MIB2: variants seen among roughly 807,000 people sequenced by gnomAD.
The protein encoded by MIB2 is E3 ubiquitin-protein ligase MIB2.
A neutral mutation model predicts 96.6 loss-of-function variants in MIB2; 78 were observed. The observed-to-expected ratio is 0.81, with a 90% confidence interval of 0.67 to 0.97. The LOEUF (loss-of-function observed/expected upper bound fraction) is 0.97, where lower values mean the gene tolerates loss of function less well. Among genes scored for constraint, MIB2 ranks in the 50% least tolerant of loss-of-function variants. The pLI, the probability that MIB2 is intolerant of heterozygous loss-of-function variation, is 0.00. For missense variants in MIB2, 1,543 were observed against 1,424.0 expected (o/e 1.08, Z -1.35); for synonymous variants, 820 against 629.5 (o/e 1.30, Z -4.53).
intron 2 of MIB2, among the ~76,000 whole-genome samples, chr1:1,620,631 C>G (rs1644176981): frequency 6.6e-6 from 1 of 152,246 alleles, no homozygotes; most frequent in Admixed American, 6.5e-5. Flanking sequence ...CTGCGTCGGC[C>G]TCCCCGGCCT....
At position 1,616,572 on chromosome 1, in the gene MIB2, G is replaced by T; in HGVS notation, c.-65G>T. The T allele has an allele frequency of 6.2e-7, 1 of 1,603,920 alleles. No individual in the cohort carries two copies. The highest frequency in any genetic ancestry group is 8.5e-7 in the Non-Finnish European group (1 of 1,175,616). On this transcript the variant is annotated 5_prime_UTR_variant, in exon 2 of 20. It adds an upstream start codon to the 5' untranslated region. Coordinates refer to ENST00000355826, the MANE Select transcript of MIB2 (RefSeq NM_001170687.4). Reference sequence around the variant, plus strand: ...TTCCAGGCATCAGGGCTGCAGCCCAGGAGCCTCAAGGCGGCCCGGCGGGCG... The same window carrying T: ...TTCCAGGCATCAGGGCTGCAGCCCATGAGCCTCAAGGCGGCCCGGCGGGCG...
Position 1,629,389 on chromosome 1 carries a change from C to G in MIB2, c.2386C>G (p.Arg796Gly), listed in dbSNP as rs568026207. The stretch of plus-strand genomic sequence containing the variant: ...AGCCGCCTCCTCCCCCTGCAGGGAG[C>G]GGCAGGCGGGCGGGGGCGCGGCCCC... ...LQGCAQRFRE[R>G]QAGGGAAPGP... Residue 796 changes from arginine to glycine, a missense_variant, in exon 18 of 20, where the codon CGG becomes GGG. Coordinates refer to ENST00000355826, the MANE Select transcript of MIB2 (RefSeq NM_001170687.4). The G allele has an allele frequency of 6.9e-7, 1 of 1,442,982 alleles. No individual in the cohort carries two copies. Among genetic ancestry groups the G allele is most frequent in the African/African-American group, 1.5e-5 (1 of 66,840 alleles). 89.4% of individuals were successfully genotyped at this position (1,442,982 alleles called of 1,614,324 possible).
upstream of MIB2, chr1:1,614,958 T>G (rs1020336429): frequency 3.3e-5 from 5 of 153,018 alleles, no homozygotes; most frequent in Admixed American, 3.3e-4. Context: ...GAGGTTGCAA[T>G]GAGCCGAGAT....
At chr1:1,629,738 T>G (rs1433379514) in intron 19 of MIB2, 34 bp downstream of exon 19, 1 of 1,544,202 alleles carries the variant, frequency 6.5e-7, no homozygotes. Flanking sequence ...ACACGCCTCC[T>G]GCTCAGCTGG....
chr1:1,623,147 T>G (rs910313197), intron 2 of MIB2: 1 of 520,180 alleles, frequency 1.9e-6, no homozygotes. Flanking sequence ...TTTGTGAACC[T>G]TTCATGAAGC....
rs750708147 is a variant in MIB2 at position 1,625,281 on chromosome 1, C to T, written c.722-5C>T. 3.6e-5 allele frequency: 57 copies of T among 1,592,402 alleles called. No individual in the cohort carries two copies. The highest frequency in any genetic ancestry group is 4.4e-5 in the Non-Finnish European group (51 of 1,171,986). The stretch of plus-strand genomic sequence containing the variant: ...GCCTGAGGCCTGGTCTGCCACCCTC[C>T]GCAGGCAAGCCGGCGGAGCTGCAGC... On this transcript the variant is annotated splice_region_variant and splice_polypyrimidine_tract_variant and intron_variant, in intron 6 of 19. Coordinates refer to ENST00000355826, the MANE Select transcript of MIB2 (RefSeq NM_001170687.4). This position sits in a 1 kb window ranked among gnomAD's most constrained non-coding sequence, Gnocchi z 5.0.
rs1447400902 is a variant in MIB2, at chr1:1,623,561, G to A, written c.109G>A (p.Val37Met). ...CGGCGAGGGCGGCGTGGGCACGGTG[G>A]TGGAGCTTGGCCGCCACGGCAGCCC... ...DGGEGGVGTV[V>M]ELGRHGSPST... The change falls in exon 3 of 20, where the codon GTG becomes ATG. Residue 37 changes from valine to methionine, a missense_variant. Transcript: ENST00000355826. 3 of 1,527,472 alleles carry A rather than the reference G, an allele frequency of 2.0e-6. No individual in the cohort carries two copies. The highest frequency in any genetic ancestry group is 2.6e-6 in the Non-Finnish European group (3 of 1,138,544). 94.6% of individuals were successfully genotyped at this position (1,527,472 alleles called of 1,614,324 possible).
rs753052491 is a variant in MIB2, at chr1:1,629,620, C to T, written c.2564-19C>T. ...CCCGGCTAGTAGGGCCGCAGCCAAC[C>T]GCGCTCTCCTCTTCGCAGAGTGCGC... On this transcript the variant is annotated intron_variant, in intron 18 of 19. Coordinates refer to ENST00000355826, the MANE Select transcript of MIB2 (RefSeq NM_001170687.4). 6.4e-7 allele frequency: 1 copy of T among 1,574,596 alleles called. No individual in the cohort carries two copies. Among genetic ancestry groups the T allele is most frequent in the Admixed American group, 1.8e-5 (1 of 56,034 alleles).
chr1:1,621,810 G>C (rs1351676334), intron 2 of MIB2, among the ~76,000 whole-genome samples: 1 of 152,250 alleles, frequency 6.6e-6, no homozygotes, highest in East Asian at 1.9e-4. Flanking sequence ...CGGGGGCACG[G>C]ATCGGGAGCC....
Position 1,630,538 on chromosome 1 carries a change from C to G in MIB2, c.*8C>G, listed in dbSNP as rs771297205. On this transcript the variant is annotated 3_prime_UTR_variant, in exon 20 of 20. Coordinates refer to ENST00000355826, the MANE Select transcript of MIB2 (RefSeq NM_001170687.4). ...ATCCAGATCTTCGTGTGAGCCGCGC[C>G]GTCCGCCGCGCCCGAGCTGCCTTCG... The G allele has an allele frequency of 3.9e-6, 6 of 1,552,920 alleles. No homozygotes were observed. Among genetic ancestry groups the G allele is most frequent in the South Asian group, 3.5e-5 (3 of 84,922 alleles).
chr1:1,623,046 G>A (rs1411174940), intron 2 of MIB2: 3 of 350,340 alleles, frequency 8.6e-6, no homozygotes, highest in East Asian at 5.2e-5. Flanking sequence ...TGAGTGTCTC[G>A]GGGGACGGCA....
chr1:1,620,550 C>T (rs183155664), intron 2 of MIB2, among the ~76,000 whole-genome samples: 2 of 152,220 alleles, frequency 1.3e-5, no homozygotes, highest in Non-Finnish European at 2.9e-5. Context: ...AGGTGGACGG[C>T]CTGGCAGGGG....
chr1:1,618,567 G>A (rs561294185), intron 2 of MIB2: 2 of 152,482 alleles, frequency 1.3e-5, no homozygotes, highest in African/African-American at 4.8e-5. Context: ...CCCAGGGGAT[G>A]GGTCCTGTGG....
In MIB2 at chr1:1,628,471, G is replaced by C. The variant is rs370333489; in HGVS notation, c.1969-18G>C. 8.1e-6 allele frequency: 13 copies of C among 1,595,882 alleles called. 1 individual carries two copies. In the South Asian group the frequency reaches 1.4e-4, roughly 18 times the overall value. ...CCACTGGGGTCCCTGGGCTGAGCCC[G>C]TCCCCACCCCTCCCCAGGGCCGCTG... is the stretch of plus-strand genomic sequence containing the variant. On this transcript the variant is annotated intron_variant, in intron 15 of 19. Transcript: ENST00000355826.
rs777197963 is a variant in MIB2, at chr1:1,629,272, G to A, written c.2342G>A (p.Arg781His). The change falls in exon 17 of 20, where the codon CGC becomes CAC. Residue 781 changes from arginine (R) to histidine (H), a missense_variant. By Grantham distance (29) the Arg-to-His change is conservative. Coordinates refer to ENST00000355826, the MANE Select transcript of MIB2 (RefSeq NM_001170687.4). ...RSPLDLAAEGRVLKALQGCAQ... is the reference protein window; with the variant it reads ...RSPLDLAAEGHVLKALQGCAQ... Reference sequence around the variant, plus strand: ...CCGCTGGACCTGGCCGCCGAGGGTCGCGTGCTCAAGGCCCTTCAGGGCTGC... The same window carrying A: ...CCGCTGGACCTGGCCGCCGAGGGTCACGTGCTCAAGGCCCTTCAGGGCTGC... 6.4e-5 allele frequency: 99 copies of A among 1,544,376 alleles called. No individual in the cohort carries two copies. Among genetic ancestry groups the A allele is most frequent in the Non-Finnish European group, 8.0e-5 (92 of 1,157,160 alleles).
At position 1,626,599 on chromosome 1, in the gene MIB2, G is replaced by A; in HGVS notation, c.973-51G>A. On this transcript the variant is annotated intron_variant, in intron 8 of 19. Coordinates refer to ENST00000355826, the MANE Select transcript of MIB2 (RefSeq NM_001170687.4). The surrounding 1 kb of genome is among the most constrained non-coding windows in gnomAD (Gnocchi z 5.3). ...GGTTGCCCTCCTGTTGCATGAGCCT[G>A]GGCAGCCACACACAGCTGGGGGGCC... is the stretch of plus-strand genomic sequence containing the variant. The A allele has an allele frequency of 6.9e-7, 1 of 1,439,602 alleles. No individual in the cohort carries two copies. The highest frequency in any genetic ancestry group is 9.3e-7 in the Non-Finnish European group (1 of 1,080,652). The allele number at this position is 1,439,602 out of a possible 1,614,324, so 89.2% of individuals were successfully genotyped here.
At position 1,626,988 on chromosome 1, in the gene MIB2, G is replaced by A. The variant is rs761692872; in HGVS notation, c.1229G>A (p.Arg410Gln). ...DANLDVAERA[R>Q]ENKSSLSVAL... Reference sequence around the variant, plus strand: ...AACCTGGACGTGGCCGAGCGCGCCCGGGAGAACAAAAGTGCGGCACAGCTC... The same window carrying A: ...AACCTGGACGTGGCCGAGCGCGCCCAGGAGAACAAAAGTGCGGCACAGCTC... Residue 410 changes from arginine to glutamine, a missense_variant, in exon 10 of 20, where the codon CGG becomes CAG. Coordinates refer to ENST00000355826, the MANE Select transcript of MIB2 (RefSeq NM_001170687.4). This position sits in a 1 kb window ranked among gnomAD's most constrained non-coding sequence, Gnocchi z 5.3. The A allele has an allele frequency of 5.6e-6, 9 of 1,611,162 alleles. No homozygotes were observed. The highest frequency in any genetic ancestry group is 3.3e-5 in the South Asian group (3 of 90,844).
rs567384253 is a variant in MIB2 at position 1,627,527 on chromosome 1, C to T, written c.1523+83C>T. ...CCTGGGAGGGGCCCGGCCGGCGGGG[C>T]TGAGCCTGTGCGTCCTGGGGTGAGG... On this transcript the variant is annotated intron_variant, in intron 12 of 19. Transcript: ENST00000355826. The T allele has an allele frequency of 3.1e-5, 46 of 1,499,284 alleles. No individual in the cohort carries two copies. The African/African-American group carries it at 6.3e-4, about 21-fold the overall frequency. 92.9% of individuals were successfully genotyped at this position (1,499,284 alleles called of 1,614,324 possible).
Position 1,630,383 on chromosome 1 carries a change from A to G in MIB2, c.2721A>G (p.Glu907=). The G allele has an allele frequency of 6.4e-7, 1 of 1,554,674 alleles. No individual in the cohort carries two copies. Among genetic ancestry groups the G allele is most frequent in the Non-Finnish European group, 8.7e-7 (1 of 1,151,490 alleles). ...ELQSRYRQME[E]RITCPICIDS... ...AGAGCCGCTACCGGCAGATGGAGGA[A>G]CGCATCACCTGCCCCATCTGCATCG... The change falls in exon 20 of 20, where the codon GAA becomes GAG. Residue 907 remains glutamate (E), a synonymous_variant. Transcript: ENST00000355826.
Sources: allele counts gnomAD v4.1 joint callset (sites outside exome capture counted in the v4.1 genomes callset), GRCh38; gene constraint gnomAD v4.1.1; non-coding constraint Gnocchi (gnomAD v3.1); transcripts MANE v1.5; gene names NCBI Gene and HGNC (gene_info 2026-07-23, HGNC 2026-07-21).